Variants in TRMT11 observed in about 807,000 individuals in gnomAD.
TRMT11 encodes the protein tRNA (guanine(10)-N(2))-methyltransferase TRMT11.
A neutral mutation model predicts 62.8 loss-of-function variants in TRMT11; 53 were observed. The ratio of observed to expected loss-of-function variants is 0.84; its 90% confidence interval spans 0.68 to 1.06. The LOEUF is 1.06. TRMT11 is among the 50% of genes least tolerant of loss of function. The pLI is 0.00. For missense variants in TRMT11, 556 were observed against 553.4 expected, an observed-to-expected ratio of 1.00 and a Z score of -0.05; for synonymous variants, 188 against 190.3, an observed-to-expected ratio of 0.99 and a Z score of 0.10.
At chr6:126,246,325 G>A in the TRMT11 span, among the ~76,000 whole-genome samples, 2 of 152,280 alleles carry the variant, frequency 1.3e-5, no homozygotes, top group Non-Finnish European at 2.9e-5. Flanking sequence ...AAATAATATG[G>A]TGTAGTAGAT....
intron 17 of TRMT11, among the ~76,000 whole-genome samples, chr6:126,074,841 AT>A (rs1776967957): frequency 6.6e-6 from 1 of 152,194 alleles, no homozygotes; most frequent in Admixed American, 6.5e-5. Context: ...TAATTAAACA[AT>A]TATTTTCAAG....
chr6:126,090,203 C>G (rs1311016686), intron 17 of TRMT11, among the ~76,000 whole-genome samples: 1 of 152,216 alleles, frequency 6.6e-6, no homozygotes, highest in Non-Finnish European at 1.5e-5. Flanking sequence ...TTTCACAGAT[C>G]TCATGGCAAC....
chr6:126,170,991 G>A (rs970941204), intron 21 of TRMT11, among the ~76,000 whole-genome samples: 24 of 152,158 alleles, frequency 1.6e-4, no homozygotes, highest in South Asian at 6.2e-4. Context: ...TGTACCAGGT[G>A]ATTTTAATGA....
intron 7 of TRMT11, among the ~76,000 whole-genome samples, chr6:126,002,632 C>T (rs998727652): frequency 2.0e-5 from 3 of 151,936 alleles, no homozygotes; most frequent in Admixed American, 2.0e-4. Context: ...AGGTTTTTAT[C>T]TCCTATCCCC....
At chr6:126,167,514 T>C (rs2128233515) in intron 21 of TRMT11, among the ~76,000 whole-genome samples, 1 of 152,320 alleles carries the variant, frequency 6.6e-6, no homozygotes, top group African/African-American at 2.4e-5. Flanking sequence ...ACCTGCCTTC[T>C]TCTTTGATCT....
intron 21 of TRMT11, among the ~76,000 whole-genome samples, chr6:126,117,425 T>C (rs1777602540): frequency 6.6e-6 from 1 of 152,116 alleles, no homozygotes; most frequent in South Asian, 2.1e-4. Context: ...TCTCTGTGTG[T>C]CAGAAAGAAT....
intron 21 of TRMT11, among the ~76,000 whole-genome samples, chr6:126,157,032 TG>T (rs1210435744): frequency 2.0e-5 from 3 of 152,308 alleles, no homozygotes; most frequent in Non-Finnish European, 2.9e-5. Flanking sequence ...GAAAGGTTTT[TG>T]ATAGGGCCAG....
the TRMT11 span, among the ~76,000 whole-genome samples, chr6:126,248,143 G>T: frequency 6.6e-6 from 1 of 151,896 alleles, no homozygotes. Flanking sequence ...GACATTTTTG[G>T]GTATGTAAGC....
chr6:125,986,540 G>C lies in TRMT11; in HGVS notation c.-11G>C. On this transcript the variant is annotated 5_prime_UTR_variant, in exon 1 of 13. Coordinates refer to ENST00000334379, the MANE Select transcript of TRMT11 (RefSeq NM_001031712.3). ...AGCGCGGGCCGCGCAGGCGCACGGT[G>C]GGCAGCTGCAATGGCGCTGTCGTGT... The C allele has an allele frequency of 6.3e-7, 1 of 1,582,438 alleles. No homozygotes were observed.
chr6:126,259,423 C>T, the TRMT11 span, among the ~76,000 whole-genome samples: 10 of 152,342 alleles, frequency 6.6e-5, no homozygotes, highest in African/African-American at 2.4e-4. Flanking sequence ...TCTTGAACTC[C>T]TGACCTTAGG....
At position 125,993,817 on chromosome 6, in the gene TRMT11, G is replaced by C; in HGVS notation, c.133G>C (p.Gly45Arg). ...GTTTGCCAGCAGTCAAGAAACTTATGGAAAGGTAAGTTAAATTTTCATTAG... is the reference window on the plus strand; with the variant it reads ...GTTTGCCAGCAGTCAAGAAACTTATCGAAAGGTAAGTTAAATTTTCATTAG... ...GQFASSQETY[G>R]KSPFWILSIP... The change falls in exon 2 of 13, where the codon GGA (glycine) becomes CGA (arginine). Residue 45 changes from glycine (G) to arginine (R), a missense_variant. By Grantham distance (125) the Gly-to-Arg change is moderately radical. Transcript: ENST00000334379. 1 of 1,604,894 alleles carries C rather than the reference G, an allele frequency of 6.2e-7. No individual in the cohort carries two copies. The highest frequency in any genetic ancestry group is 8.5e-7 in the Non-Finnish European group (1 of 1,172,244).
At chr6:126,146,102 A>T (rs1313622915) in intron 21 of TRMT11, among the ~76,000 whole-genome samples, 3 of 152,218 alleles carry the variant, frequency 2.0e-5, no homozygotes, top group African/African-American at 4.8e-5. Context: ...CCTTCTTCCA[A>T]GCCAGTGACT....
chr6:126,004,421 A>G (rs1205591578), intron 7 of TRMT11, among the ~76,000 whole-genome samples: 1 of 152,020 alleles, frequency 6.6e-6, no homozygotes, highest in Non-Finnish European at 1.5e-5. Context: ...TATTTTCGTA[A>G]TTTGTGTTTG....
intron 17 of TRMT11, among the ~76,000 whole-genome samples, chr6:126,082,597 A>G (rs147613789): frequency 1.8e-3 from 276 of 152,222 alleles, no homozygotes; most frequent in Non-Finnish European, 2.9e-3. Flanking sequence ...TCAAATTGTG[A>G]TCTACTTTAT....
At chr6:126,265,306 T>C in the TRMT11 span, among the ~76,000 whole-genome samples, 11 of 152,138 alleles carry the variant, frequency 7.2e-5, no homozygotes, top group African/African-American at 2.7e-4. Flanking sequence ...TTACCTCCTA[T>C]AGTATTATTT....
At chr6:126,172,686 C>G (rs1400638015), upstream of TRMT11, among the ~76,000 whole-genome samples, 2 of 152,088 alleles carry the variant, frequency 1.3e-5, no homozygotes, top group Non-Finnish European at 2.9e-5. Flanking sequence ...ACAGCTGTTA[C>G]CTCTGCAGGA....
chr6:126,109,238 A>T (rs937925350), intron 17 of TRMT11, among the ~76,000 whole-genome samples: 4 of 152,204 alleles, frequency 2.6e-5, no homozygotes, highest in African/African-American at 9.6e-5. Flanking sequence ...AGTTGTCCCA[A>T]TGAAAAGGTT....
At chr6:126,260,123 T>TAAAC in the TRMT11 span, among the ~76,000 whole-genome samples, 1 of 152,242 alleles carries the variant, frequency 6.6e-6, no homozygotes, top group Non-Finnish European at 1.5e-5. Context: ...TATTGTTGTT[T>TAAAC]AATAGATTCT....
intron 17 of TRMT11, among the ~76,000 whole-genome samples, chr6:126,111,800 A>G (rs1236719519): frequency 6.6e-6 from 1 of 152,138 alleles, no homozygotes; most frequent in Non-Finnish European, 1.5e-5. Flanking sequence ...GATGCCTGGC[A>G]CAATAACTTC....
Sources: gnomAD v4.1 joint callset for allele counts (sites outside exome capture counted in the v4.1 genomes callset) on GRCh38, gnomAD v4.1.1 for gene constraint, MANE v1.5 for transcripts, NCBI Gene and HGNC (gene_info 2026-07-23, HGNC 2026-07-21) for gene names.